The following COL24A1 variants were observed in gnomAD, a reference collection of about 807,000 sequenced individuals.
COL24A1 encodes collagen type XXIV alpha 1 chain.
In COL24A1, 224 loss-of-function variants were observed where a neutral mutation model predicts 253.9. The ratio of observed to expected loss-of-function variants is 0.88; its 90% confidence interval spans 0.79 to 0.99. COL24A1 has a LOEUF of 0.99. COL24A1 is among the 50% of genes least tolerant of loss of function. The pLI, the probability that COL24A1 is intolerant of heterozygous loss-of-function variation, is 0.00. For missense variants in COL24A1, 2,131 were observed against 2,068.5 expected (o/e 1.03, Z -0.59); for synonymous variants, 685 against 673.7 (o/e 1.02, Z -0.26).
chr1:85,791,290 A>T (rs1670247905), intron 47 of COL24A1, among the ~76,000 whole-genome samples: 1 of 152,166 alleles, frequency 6.6e-6, no homozygotes, highest in Non-Finnish European at 1.5e-5. Flanking sequence ...CTGAGATGGA[A>T]GAATTGTATA....
intron 20 of COL24A1, among the ~76,000 whole-genome samples, chr1:85,979,059 T>A (rs987915129): frequency 2.0e-5 from 3 of 151,998 alleles, no homozygotes; most frequent in African/African-American, 7.2e-5. Flanking sequence ...TACAAACACA[T>A]GAAAATTAAA....
At chr1:85,768,243 A>G (rs1247391926) in intron 53 of COL24A1, among the ~76,000 whole-genome samples, 1 of 152,168 alleles carries the variant, frequency 6.6e-6, no homozygotes, top group Non-Finnish European at 1.5e-5. Flanking sequence ...GGAGAGGCAA[A>G]CAGGGGCCAG....
intron 5 of COL24A1, among the ~76,000 whole-genome samples, chr1:86,100,602 A>G (rs940266421): frequency 6.6e-6 from 1 of 152,130 alleles, no homozygotes; most frequent in African/African-American, 2.4e-5. Flanking sequence ...AGTTTATGCT[A>G]ATAAGATGAC....
chr1:85,776,718 C>G (rs1311978503), intron 52 of COL24A1, among the ~76,000 whole-genome samples: 1 of 151,864 alleles, frequency 6.6e-6, no homozygotes, highest in African/African-American at 2.4e-5. Context: ...CCCTTACAGT[C>G]TAAAATTTTT....
At position 85,971,361 on chromosome 1, in the gene COL24A1, A is replaced by C; in HGVS notation, c.2397T>G (p.Pro799=). The C allele has an allele frequency of 1.2e-6, 2 of 1,612,498 alleles. No individual in the cohort carries two copies. Among genetic ancestry groups the C allele is most frequent in the Non-Finnish European group, 1.7e-6 (2 of 1,179,248 alleles). The part of the protein sequence containing the change: ...GLLGNRGPPG[P]PGLKGTQGEE... ...ATACCTGAGTTCCTTTGAGACCAGG[A>C]GGTCCAGGAGGTCCTCTATTTCCAA... The change falls in exon 21 of 60, where the codon CCT becomes CCG. Residue 799 remains proline (P), a synonymous_variant. Transcript: ENST00000370571.
chr1:85,771,554 A>G (rs1346149047), intron 53 of COL24A1, among the ~76,000 whole-genome samples: 1 of 152,180 alleles, frequency 6.6e-6, no homozygotes, highest in African/African-American at 2.4e-5. Flanking sequence ...TAGTGCTGCA[A>G]TAAACATACG....
chr1:86,067,455 G>A (rs1351898161), intron 7 of COL24A1, among the ~76,000 whole-genome samples: 3 of 152,136 alleles, frequency 2.0e-5, no homozygotes, highest in African/African-American at 7.2e-5. Context: ...GTACATAGTT[G>A]TTGCTTATTA....
chr1:86,022,469 A>G lies in COL24A1; in HGVS notation c.2202+69T>C, dbSNP rs572188343. ...TTCTAACACAATACATGGATAAAAT[A>G]ATAAGCAGTTCTTTCTTTTGAATTT... On this transcript the variant is annotated intron_variant, in intron 17 of 59. Coordinates refer to ENST00000370571, the MANE Select transcript of COL24A1 (RefSeq NM_152890.7). 48 of 1,406,256 alleles carry G rather than the reference A, an allele frequency of 3.4e-5. No individual in the cohort carries two copies. In the South Asian group the frequency reaches 5.6e-4, roughly 16 times the overall value. The allele number at this position is 1,406,256 out of a possible 1,614,324, so 87.1% of individuals were successfully genotyped here.
At chr1:85,897,337 A>G (rs1291124523) in intron 28 of COL24A1, among the ~76,000 whole-genome samples, 1 of 152,122 alleles carries the variant, frequency 6.6e-6, no homozygotes, top group African/African-American at 2.4e-5. Context: ...TCTGTGCAGC[A>G]AACCACCATG....
intron 46 of COL24A1, 56 bp from the exon 47 acceptor site, chr1:85,816,951 C>T (rs1673103621): frequency 7.9e-7 from 1 of 1,262,684 alleles, no homozygotes; most frequent in Non-Finnish European, 1.1e-6. Context: ...GTTAAGATGA[C>T]AAATACTTTT....
At chr1:85,767,896 T>C (rs1025840355) in intron 53 of COL24A1, among the ~76,000 whole-genome samples, 32 of 152,214 alleles carry the variant, frequency 2.1e-4, no homozygotes, top group African/African-American at 7.5e-4. Flanking sequence ...ACATGGCAAG[T>C]TCTGTTCTAG....
At chr1:86,111,995 A>C (rs989430018) in intron 5 of COL24A1, among the ~76,000 whole-genome samples, 1 of 152,196 alleles carries the variant, frequency 6.6e-6, no homozygotes, top group African/African-American at 2.4e-5. Flanking sequence ...ACTCACCGCG[A>C]GGGTCCGTGG....
At chr1:85,911,516 CTA>C (rs906082504) in intron 24 of COL24A1, 83 bp from the exon 25 acceptor site, 1 of 1,078,460 alleles carries the variant, frequency 9.3e-7, no homozygotes, top group Non-Finnish European at 1.4e-6. Flanking sequence ...CCTGTAATCA[CTA>C]TGTTTCTTTC....
At chr1:85,834,125 A>C (rs530379411) in intron 43 of COL24A1, among the ~76,000 whole-genome samples, 7 of 152,014 alleles carry the variant, frequency 4.6e-5, no homozygotes, top group Non-Finnish European at 7.4e-5. Flanking sequence ...ATAATAATAA[A>C]ATTTAAAAAA....
intron 33 of COL24A1, 146 bp downstream of exon 33, chr1:85,876,976 C>T: frequency 5.8e-6 from 3 of 519,460 alleles, no homozygotes; most frequent in Non-Finnish European, 1.0e-5. Context: ...ATCATCTCTG[C>T]TTTTAATGGA....
intron 41 of COL24A1, among the ~76,000 whole-genome samples, chr1:85,841,570 A>G (rs1307883256): frequency 6.6e-6 from 1 of 152,144 alleles, no homozygotes; most frequent in Non-Finnish European, 1.5e-5. Context: ...TGCTGTAGTT[A>G]TTCCTAAATC....
At chr1:85,911,466 A>T in intron 24 of COL24A1, 33 bp from the exon 25 acceptor site, 2 of 1,538,722 alleles carry the variant, frequency 1.3e-6, no homozygotes, top group Non-Finnish European at 1.8e-6. Context: ...GAAAATACAC[A>T]CATATTGTAT....
chr1:86,005,565 T>C (rs1695869547), intron 19 of COL24A1, among the ~76,000 whole-genome samples: 1 of 152,076 alleles, frequency 6.6e-6, no homozygotes, highest in South Asian at 2.1e-4. Context: ...TGGAGTCTAC[T>C]GAACACATTT....
At chr1:85,799,160 T>C (rs1671131500) in intron 47 of COL24A1, among the ~76,000 whole-genome samples, 1 of 141,514 alleles carries the variant, frequency 7.1e-6, no homozygotes, top group South Asian at 2.2e-4. Flanking sequence ...TGAAAAAACA[T>C]TGAAACTGCA....
Sources: gnomAD v4.1 joint callset for allele counts (sites outside exome capture counted in the v4.1 genomes callset) on GRCh38, gnomAD v4.1.1 for gene constraint, MANE v1.5 for transcripts, NCBI Gene and HGNC (gene_info 2026-07-23, HGNC 2026-07-21) for gene names.